Variants in KLKB1 observed in about 807,000 individuals in gnomAD.
KLKB1 encodes the protein plasma kallikrein.
KLKB1 carries 58 observed loss-of-function variants against 73.6 expected under a neutral mutation model. The ratio of observed to expected loss-of-function variants is 0.79; its 90% CI spans 0.64 to 0.98. KLKB1 has a LOEUF of 0.98. Ranked by LOEUF, KLKB1 falls within the 50% of genes least tolerant of loss-of-function variation. The pLI is 0.00. For synonymous variants in KLKB1, 280 were observed against 258.1 expected (o/e 1.08, Z -0.81); for missense variants, 737 against 763.8 (o/e 0.96, Z 0.41).
intron 6 of KLKB1, among the ~76,000 whole-genome samples, chr4:186,238,780 TA>T (rs1737842374): frequency 6.6e-6 from 1 of 152,238 alleles, no homozygotes; most frequent in South Asian, 2.1e-4. Context: ...TTTAGCCCAG[TA>T]AGACCCAATC....
chr4:186,257,854 T>C lies in KLKB1; in HGVS notation c.1726-167T>C, dbSNP rs4253388. ...AGGTGGATCACTTGAGCCTAGGAAT[T>C]TGAGACCAGTCTGGGCAATGTGATG... is the stretch of plus-strand genomic sequence containing the variant. On this transcript the variant is annotated intron_variant, in intron 14 of 14. Transcript: ENST00000264690. 3.1e-3 allele frequency among the ~76,000 whole-genome samples: 476 copies of C among 151,772 alleles called. 1 individual carries two copies. The highest frequency in any genetic ancestry group is 0.011 in the African/African-American group (452 of 41,342).
intron 2 of KLKB1, among the ~76,000 whole-genome samples, chr4:186,218,168 A>G (rs1736949638): frequency 6.6e-6 from 1 of 152,342 alleles, no homozygotes; most frequent in Admixed American, 6.5e-5. Context: ...GATATATTGC[A>G]TTTCCTGAAT....
rs1737818240 is a variant in KLKB1 at position 186,238,379 on chromosome 4, T to C, written c.598+14T>C. The C allele has an allele frequency of 4.5e-6, 7 of 1,545,468 alleles. No individual in the cohort carries two copies. In the East Asian group the frequency reaches 1.3e-4, roughly 30 times the overall value. ...TTTCAGAAATTGGTAATTGTAGGAC[T>C]ACTTCACTTTGTGATTGTGGTAGGT... On this transcript the variant is annotated intron_variant, in intron 6 of 14. Transcript: ENST00000264690.
chr4:186,227,368 C>T (rs1737203154), upstream of KLKB1: 1 of 152,238 alleles, frequency 6.6e-6, no homozygotes. Flanking sequence ...TTCTTGCTGA[C>T]ATCACTCCCT....
intron 6 of KLKB1, among the ~76,000 whole-genome samples, chr4:186,241,033 T>G (rs1296708715): frequency 6.6e-6 from 1 of 152,158 alleles, no homozygotes; most frequent in East Asian, 1.9e-4. Flanking sequence ...TCACATGTGA[T>G]TTAATCGGAT....
intron 6 of KLKB1, among the ~76,000 whole-genome samples, chr4:186,242,107 T>C (rs1348596823): frequency 6.7e-6 from 1 of 148,240 alleles, no homozygotes; most frequent in Non-Finnish European, 1.5e-5. Context: ...GGGTAGGTAG[T>C]GGAAAATTAC....
intron 2 of KLKB1, chr4:186,212,838 A>G (rs1281012710): frequency 2.0e-5 from 3 of 152,214 alleles, no homozygotes; most frequent in Non-Finnish European, 2.9e-5. Flanking sequence ...TAACTATCCC[A>G]AAGAGCCACA....
At chr4:186,218,972 C>T (rs1736972370) in intron 2 of KLKB1, among the ~76,000 whole-genome samples, 1 of 152,132 alleles carries the variant, frequency 6.6e-6, no homozygotes, top group Admixed American at 6.6e-5. Flanking sequence ...CCTTGGCAAA[C>T]CACTGGTGTA....
At chr4:186,221,729 T>C (rs1325843763), upstream of KLKB1, among the ~76,000 whole-genome samples, 1 of 152,138 alleles carries the variant, frequency 6.6e-6, no homozygotes, top group Non-Finnish European at 1.5e-5. Context: ...TCCTGGAGAG[T>C]GTTCTGTGTG....
At chr4:186,255,050 G>A (rs1239999778) in intron 12 of KLKB1, among the ~76,000 whole-genome samples, 1 of 152,212 alleles carries the variant, frequency 6.6e-6, no homozygotes, top group Non-Finnish European at 1.5e-5. Flanking sequence ...GAGAGGCACT[G>A]GGCTTGCTTT....
At chr4:186,217,545 AT>A (rs1736934090) in intron 2 of KLKB1, among the ~76,000 whole-genome samples, 1 of 152,216 alleles carries the variant, frequency 6.6e-6, no homozygotes, top group Admixed American at 6.5e-5. Context: ...TAAAATATTT[AT>A]TTAAGAATCG....
chr4:186,222,649 G>GT (rs1293429866), upstream of KLKB1, among the ~76,000 whole-genome samples: 1 of 152,064 alleles, frequency 6.6e-6, no homozygotes, highest in African/African-American at 2.4e-5. Context: ...TAATACTTTT[G>GT]TTTTTTAACT....
upstream of KLKB1, among the ~76,000 whole-genome samples, chr4:186,225,464 G>A (rs1376426217): frequency 1.3e-5 from 1 of 79,804 alleles, no homozygotes; most frequent in East Asian, 4.5e-4. Flanking sequence ...TAGCTCTGTT[G>A]TCCAGGCTGG....
At position 186,258,183 on chromosome 4, in the gene KLKB1, GGAAAAGCTCAGATGCAGTCACCAGCATGA is replaced by G; in HGVS notation, c.1892_*3del. ...TTTAGAGAAAACACAGAGCAGTGAT[GGAAAAGCTCAGATGCAGTCACCAGCATGA>G]GAAGCAGTCCAGAGTCTAGGCAATT... On this transcript the variant is annotated frameshift_variant and stop_lost, in exon 15 of 15. Transcript: ENST00000264690. LOFTEE classifies it low-confidence loss of function (END_TRUNC). The G allele has an allele frequency of 6.2e-7, 1 of 1,614,156 alleles. No homozygotes were observed. Among genetic ancestry groups the G allele is most frequent in the East Asian group, 2.2e-5 (1 of 44,874 alleles).
chr4:186,233,998 G>A lies in KLKB1; in HGVS notation c.268G>A (p.Val90Ile). ...KDSVTGTLPK[V>I]HRTGAVSGHS... Reference sequence around the variant, plus strand: ...TAGTGTTACAGGAACCCTGCCAAAAGTACATCGAACAGGTGCAGTTTCTGG... The same window carrying A: ...TAGTGTTACAGGAACCCTGCCAAAAATACATCGAACAGGTGCAGTTTCTGG... The change falls in exon 4 of 15, where the codon GTA becomes ATA. Residue 90 changes from valine to isoleucine, a missense_variant. By Grantham distance (29) the Val-to-Ile change is conservative. Transcript: ENST00000264690. The A allele has an allele frequency of 9.9e-6, 16 of 1,614,096 alleles. No homozygotes were observed. The highest frequency in any genetic ancestry group is 1.4e-5 in the Non-Finnish European group (16 of 1,179,990).
At chr4:186,210,892 A>AGTG in intron 2 of KLKB1, 1 of 413,912 alleles carries the variant, frequency 2.4e-6, no homozygotes, top group Non-Finnish European at 4.4e-6. Flanking sequence ...GGAGGAGTGC[A>AGTG]GTGGTGTGAT....
intron 11 of KLKB1, 52 bp from the exon 12 acceptor site, chr4:186,254,536 A>G (rs372038824): frequency 2.3e-5 from 33 of 1,416,350 alleles, no homozygotes; most frequent in Non-Finnish European, 3.1e-5. Context: ...AAGGAACACT[A>G]TTGAAGGAAG....
At chr4:186,218,132 T>C (rs930189806) in intron 2 of KLKB1, among the ~76,000 whole-genome samples, 2 of 152,228 alleles carry the variant, frequency 1.3e-5, no homozygotes, top group African/African-American at 2.4e-5. Context: ...CCAAATGTGG[T>C]CTGTGAACTG....
intron 4 of KLKB1, among the ~76,000 whole-genome samples, chr4:186,235,930 A>G (rs1206310569): frequency 5.3e-5 from 8 of 152,038 alleles, no homozygotes; most frequent in South Asian, 2.1e-4. Context: ...CCTGGCTGAC[A>G]CGGTGAAACC....
Sources: gnomAD v4.1 joint callset for allele counts (sites outside exome capture counted in the v4.1 genomes callset) on GRCh38, gnomAD v4.1.1 for gene constraint, MANE v1.5 for transcripts, NCBI Gene and HGNC (gene_info 2026-07-23, HGNC 2026-07-21) for gene names.